TFDP2: variants seen among roughly 807,000 people sequenced by gnomAD.
TFDP2 encodes transcription factor Dp-2 (E2F dimerization partner 2).
In TFDP2, 17 loss-of-function variants were observed where a neutral mutation model predicts 59.3. The ratio of observed to expected loss-of-function variants is 0.29; its 90% CI spans 0.20 to 0.43. TFDP2 has a LOEUF of 0.43. Among genes scored for constraint, TFDP2 ranks in the 20% least tolerant of loss-of-function variants. TFDP2 has a pLI of 1.00. For synonymous variants in TFDP2, 180 were observed against 194.7 expected (o/e 0.92, Z 0.63); for missense variants, 391 against 528.8 (o/e 0.74, Z 2.56).
At chr3:141,974,861 T>C (rs186478390) in intron 7 of TFDP2, among the ~76,000 whole-genome samples, 60 of 151,524 alleles carry the variant, frequency 4.0e-4, no homozygotes, top group African/African-American at 1.4e-3. Context: ...ATCCTCTATA[T>C]GACAAGGGAC....
intron 3 of TFDP2, among the ~76,000 whole-genome samples, chr3:142,017,221 A>T (rs537040534): frequency 1.5e-4 from 23 of 152,294 alleles, no homozygotes; most frequent in African/African-American, 5.5e-4. Flanking sequence ...TTATATAATT[A>T]CTATCTGTCT....
intron 6 of TFDP2, among the ~76,000 whole-genome samples, chr3:141,987,591 T>A (rs1290895603): frequency 9.4e-5 from 14 of 149,642 alleles, no homozygotes; most frequent in African/African-American, 3.4e-4. Flanking sequence ...CGTGTGTGTG[T>A]GTGTGTGTGT....
chr3:141,960,573 G>A (rs915948916), intron 10 of TFDP2, among the ~76,000 whole-genome samples: 1 of 152,124 alleles, frequency 6.6e-6, no homozygotes, highest in African/African-American at 2.4e-5. Flanking sequence ...GGGGACAATG[G>A]TAGGTTTCAC....
At chr3:142,018,929 G>GTT (rs62753560) in intron 3 of TFDP2, among the ~76,000 whole-genome samples, 11,478 of 125,158 alleles carry the variant, frequency 0.092, 1,799 homozygotes, top group African/African-American at 0.31. Flanking sequence ...TTTTTGGTGA[G>GTT]TTTTTTTTTT....
chr3:141,984,727 T>C (rs1010589588), intron 6 of TFDP2, among the ~76,000 whole-genome samples: 5 of 152,222 alleles, frequency 3.3e-5, no homozygotes, highest in East Asian at 1.9e-4. Context: ...AACTGACTTA[T>C]GTTTTGTTGT....
chr3:142,061,889 T>TCTACACACACACAC (rs754972681), intron 3 of TFDP2, among the ~76,000 whole-genome samples: 1 of 79,880 alleles, frequency 1.3e-5, no homozygotes, highest in Non-Finnish European at 2.6e-5. Flanking sequence ...TCTCTCTCTC[T>TCTACACACACACAC]ACACACACAC....
At chr3:142,029,412 GTT>G (rs1946314203) in intron 3 of TFDP2, among the ~76,000 whole-genome samples, 2 of 151,814 alleles carry the variant, frequency 1.3e-5, no homozygotes, top group Admixed American at 1.3e-4. Flanking sequence ...TATAGCTAGG[GTT>G]AAGTACCTTT....
intron 4 of TFDP2, among the ~76,000 whole-genome samples, chr3:142,003,145 T>C (rs1441385564): frequency 1.3e-5 from 2 of 152,016 alleles, no homozygotes; most frequent in African/African-American, 2.4e-5. Context: ...TGGGACTACA[T>C]GTGTGTCACC....
intron 1 of TFDP2, among the ~76,000 whole-genome samples, chr3:142,147,464 T>C (rs2063217870): frequency 6.6e-6 from 1 of 152,204 alleles, no homozygotes; most frequent in African/African-American, 2.4e-5. Flanking sequence ...TTAAGAATTT[T>C]AGCTGCCAGA....
At chr3:142,134,685 T>C (rs1413242455) in intron 1 of TFDP2, among the ~76,000 whole-genome samples, 18 of 152,114 alleles carry the variant, frequency 1.2e-4, no homozygotes, top group Admixed American at 1.2e-3. Context: ...ATTACTGCAG[T>C]TAATTTTATA....
intron 1 of TFDP2, among the ~76,000 whole-genome samples, chr3:142,107,775 CAA>C (rs1315326925): frequency 6.6e-6 from 1 of 152,054 alleles, no homozygotes. Context: ...CTCACACCAG[CAA>C]AAGTGTTCTT....
chr3:142,050,463 A>G (rs1947565747), intron 3 of TFDP2, among the ~76,000 whole-genome samples: 1 of 152,170 alleles, frequency 6.6e-6, no homozygotes, highest in African/African-American at 2.4e-5. Flanking sequence ...TAGGAGGCCG[A>G]GGCAGGCGGA....
chr3:142,102,599 G>A (rs773465034), intron 1 of TFDP2, among the ~76,000 whole-genome samples: 1 of 152,026 alleles, frequency 6.6e-6, no homozygotes, highest in African/African-American at 2.4e-5. Context: ...GTGAAAAATA[G>A]GATATTTCCA....
chr3:142,001,716 G>A (rs945192609), intron 4 of TFDP2, among the ~76,000 whole-genome samples: 2 of 152,072 alleles, frequency 1.3e-5, no homozygotes, highest in African/African-American at 4.8e-5. Flanking sequence ...ACTATAAACA[G>A]CCAAGAGAAG....
At chr3:141,973,121 ATAT>A (rs1398873090) in intron 8 of TFDP2, among the ~76,000 whole-genome samples, 45 of 57,420 alleles carry the variant, frequency 7.8e-4, no homozygotes, top group African/African-American at 2.1e-3. Flanking sequence ...ATATATATAT[ATAT>A]TTTTTTTTTT....
rs1308441667 is a variant in TFDP2, at chr3:141,946,036, C to G, written c.*6477G>C. The G allele has an allele frequency of 2.0e-5, 3 of 152,290 alleles. No homozygotes were observed. The highest frequency in any genetic ancestry group is 2.0e-4 in the Admixed American group (3 of 15,282). The allele number at this position is 152,290 out of a possible 1,614,324, so 9.4% of individuals were successfully genotyped here. ...GGGGCTCGGGAAAGGAGTCCCACTTCTACCCCTCAGCTGTTTGGCACTTGG... is the reference window on the plus strand; with the variant it reads ...GGGGCTCGGGAAAGGAGTCCCACTTGTACCCCTCAGCTGTTTGGCACTTGG... On this transcript the variant is annotated 3_prime_UTR_variant, in exon 13 of 13. Transcript: ENST00000489671.
At chr3:142,072,860 G>A (rs2060293748) in intron 3 of TFDP2, among the ~76,000 whole-genome samples, 1 of 152,206 alleles carries the variant, frequency 6.6e-6, no homozygotes, top group Non-Finnish European at 1.5e-5. Context: ...TCTAATTGGT[G>A]TAAATGTTAA....
At chr3:141,956,329 A>C (rs1352577600) in intron 11 of TFDP2, among the ~76,000 whole-genome samples, 1 of 152,174 alleles carries the variant, frequency 6.6e-6, no homozygotes, top group East Asian at 1.9e-4. Flanking sequence ...AAGCGGGTGG[A>C]TCACCTGAGG....
At chr3:142,116,804 T>C (rs2061866529) in intron 1 of TFDP2, among the ~76,000 whole-genome samples, 1 of 152,212 alleles carries the variant, frequency 6.6e-6, no homozygotes, top group Non-Finnish European at 1.5e-5. Context: ...ATAAGTTACG[T>C]TTTTCTTTTT....
Sources: gnomAD v4.1 joint callset for allele counts (sites outside exome capture counted in the v4.1 genomes callset) on GRCh38, gnomAD v4.1.1 for gene constraint, MANE v1.5 for transcripts, NCBI Gene and HGNC (gene_info 2026-07-23, HGNC 2026-07-21) for gene names.